The following VPS53 variants were observed in gnomAD, a reference collection of about 807,000 sequenced individuals.
VPS53 encodes the protein vacuolar protein sorting-associated protein 53 homolog.
In VPS53, 70 loss-of-function variants were observed where a neutral mutation model predicts 107.0. The ratio of observed to expected loss-of-function variants is 0.65; its 90% confidence interval spans 0.54 to 0.80. The LOEUF is 0.80. VPS53 is among the 30% of genes least tolerant of loss of function. VPS53 has a pLI of 0.00. For missense variants in VPS53, 917 were observed against 1,049.4 expected, an observed-to-expected ratio of 0.87 and a Z score of 1.74; for synonymous variants, 409 against 393.3, an observed-to-expected ratio of 1.04 and a Z score of -0.47.
At chr17:585,725 G>C (rs1309897429) in intron 13 of VPS53, among the ~76,000 whole-genome samples, 1 of 152,096 alleles carries the variant, frequency 6.6e-6, no homozygotes, top group African/African-American at 2.4e-5. Context: ...ATCTGACAAC[G>C]AAATGCATGA....
At chr17:638,905 T>C (rs1323356819) in intron 7 of VPS53, among the ~76,000 whole-genome samples, 4 of 152,228 alleles carry the variant, frequency 2.6e-5, no homozygotes, top group Admixed American at 2.6e-4. Context: ...TTGGAATTGC[T>C]CTTCTCGAGG....
At chr17:712,195 T>C (rs894157006) in intron 1 of VPS53, among the ~76,000 whole-genome samples, 1 of 147,542 alleles carries the variant, frequency 6.8e-6, no homozygotes, top group Non-Finnish European at 1.5e-5. Context: ...TTTTTTTTTT[T>C]TTCGAGATGG....
chr17:662,777 A>AAGAAAGAAAGAAAG (rs1346580662), intron 4 of VPS53, among the ~76,000 whole-genome samples: 1 of 139,276 alleles, frequency 7.2e-6, no homozygotes, highest in Non-Finnish European at 1.6e-5. Flanking sequence ...AAGAAAGAGA[A>AAGAAAGAAAGAAAG]AGAAAGAAAA....
At chr17:656,019 A>G (rs1461407793) in intron 5 of VPS53, 66 bp from the exon 6 acceptor site, 2 of 1,326,992 alleles carry the variant, frequency 1.5e-6, no homozygotes, top group Non-Finnish European at 2.1e-6. Context: ...CACTTCTGCA[A>G]GTAGCTCTGT....
intron 13 of VPS53, among the ~76,000 whole-genome samples, chr17:577,976 C>A (rs1597330356): frequency 6.7e-6 from 1 of 148,328 alleles, no homozygotes; most frequent in East Asian, 2.1e-4. Context: ...CAGAATCTAA[C>A]ACACTCACAG....
At chr17:539,814 A>G (rs1411657481) in intron 17 of VPS53, among the ~76,000 whole-genome samples, 1 of 152,186 alleles carries the variant, frequency 6.6e-6, no homozygotes, top group East Asian at 1.9e-4. Context: ...CTCATTTACT[A>G]TTCATACATG....
intron 4 of VPS53, among the ~76,000 whole-genome samples, chr17:685,575 GGCTAA>G (rs1381889433): frequency 2.6e-4 from 39 of 152,154 alleles, no homozygotes; most frequent in African/African-American, 8.7e-4. Context: ...AGGCACGGTA[GGCTAA>G]GCTATGATGT....
At chr17:531,357 C>T (rs905521951) in intron 19 of VPS53, among the ~76,000 whole-genome samples, 1 of 152,180 alleles carries the variant, frequency 6.6e-6, no homozygotes, top group African/African-American at 2.4e-5. Flanking sequence ...GTTTTCTCAT[C>T]CACACCTCAA....
intron 7 of VPS53, among the ~76,000 whole-genome samples, chr17:639,347 T>C (rs1597417903): frequency 6.6e-6 from 1 of 152,202 alleles, no homozygotes; most frequent in African/African-American, 2.4e-5. Flanking sequence ...TTTAGCTTCT[T>C]TGTGATGGGT....
At chr17:566,514 C>T (rs1266473815) in intron 13 of VPS53, among the ~76,000 whole-genome samples, 2 of 152,046 alleles carry the variant, frequency 1.3e-5, no homozygotes, top group African/African-American at 2.4e-5. Flanking sequence ...TGCTAGTGCT[C>T]GATACATACT....
chr17:688,244 G>GTGA (rs1181893394), intron 4 of VPS53, among the ~76,000 whole-genome samples: 1 of 152,076 alleles, frequency 6.6e-6, no homozygotes, highest in Non-Finnish European at 1.5e-5. Context: ...TTCTATTCAC[G>GTGA]TGATAGTAAG....
intron 7 of VPS53, among the ~76,000 whole-genome samples, chr17:636,908 G>C (rs1039605641): frequency 2.0e-5 from 3 of 152,156 alleles, no homozygotes; most frequent in Admixed American, 6.5e-5. Flanking sequence ...CCAGGCTTTG[G>C]TATCAGGATG....
chr17:636,438 A>G (rs1970200748), intron 7 of VPS53, among the ~76,000 whole-genome samples: 2 of 152,202 alleles, frequency 1.3e-5, no homozygotes, highest in South Asian at 4.1e-4. Flanking sequence ...CCTTGGCCAG[A>G]TCTTCCAACA....
At chr17:568,800 C>T (rs918113671) in intron 13 of VPS53, among the ~76,000 whole-genome samples, 3 of 152,152 alleles carry the variant, frequency 2.0e-5, no homozygotes, top group Admixed American at 1.3e-4. Flanking sequence ...CTAAAATAAA[C>T]CCTGTGGTGT....
At chr17:624,789 A>G (rs1481384752) in intron 10 of VPS53, among the ~76,000 whole-genome samples, 1 of 152,180 alleles carries the variant, frequency 6.6e-6, no homozygotes, top group East Asian at 1.9e-4. Context: ...TTTCTCAAGG[A>G]ATTCACTCTT....
intron 17 of VPS53, among the ~76,000 whole-genome samples, chr17:546,327 TCTCACA>T (rs1321434289): frequency 2.1e-5 from 2 of 93,118 alleles, no homozygotes; most frequent in East Asian, 2.8e-4. Context: ...ATCTTAGATA[TCTCACA>T]CACACACACA....
chr17:696,953 C>T (rs1408023353), intron 4 of VPS53, among the ~76,000 whole-genome samples: 1 of 152,130 alleles, frequency 6.6e-6, no homozygotes. Flanking sequence ...CCGCTGTGCC[C>T]GCTGTGCCCG....
At chr17:630,695 A>C (rs1969922711) in intron 8 of VPS53, among the ~76,000 whole-genome samples, 1 of 152,170 alleles carries the variant, frequency 6.6e-6, no homozygotes, top group South Asian at 2.1e-4. Flanking sequence ...AAAATAATTA[A>C]GATATTTCCA....
At chr17:636,012 G>A (rs1379785391) in intron 7 of VPS53, among the ~76,000 whole-genome samples, 2 of 152,096 alleles carry the variant, frequency 1.3e-5, no homozygotes, top group East Asian at 1.9e-4. Context: ...CACGATATTG[G>A]TTCTTCCTAT....
Sources: allele counts gnomAD v4.1 joint callset (sites outside exome capture counted in the v4.1 genomes callset), GRCh38; gene constraint gnomAD v4.1.1; transcripts MANE v1.5; gene names NCBI Gene and HGNC (gene_info 2026-07-23, HGNC 2026-07-21).